Variants in POLR1A observed in about 807,000 individuals in gnomAD.
POLR1A encodes RNA polymerase I subunit A.
A neutral mutation model predicts 205.3 loss-of-function variants in POLR1A; 84 were observed. The observed-to-expected ratio is 0.41, with a 90% CI of 0.34 to 0.49. The LOEUF (loss-of-function observed/expected upper bound fraction) is 0.49, where lower values mean the gene tolerates loss of function less well. POLR1A is among the 20% of genes least tolerant of loss of function. POLR1A has a pLI of 0.22. For synonymous variants in POLR1A, 799 were observed against 863.7 expected (o/e 0.93, Z 1.31); for missense variants, 1,645 against 2,204.5 (o/e 0.75, Z 5.08).
intron 2 of POLR1A, 97 bp downstream of exon 2, chr2:86,099,871 G>T: frequency 2.1e-6 from 2 of 963,034 alleles, no homozygotes; most frequent in Non-Finnish European, 3.3e-6. Flanking sequence ...TGGAGTGCCT[G>T]GGGCTTAACC....
intron 2 of POLR1A, 120 bp from the exon 3 acceptor site, chr2:86,098,880 C>T (rs1673758391): frequency 1.2e-6 from 1 of 823,150 alleles, no homozygotes; most frequent in African/African-American, 1.7e-5. Flanking sequence ...AACTCTACTT[C>T]AGCCTACATG....
At chr2:86,080,667 C>A in intron 9 of POLR1A, 149 bp downstream of exon 9, 1 of 660,314 alleles carries the variant, frequency 1.5e-6, no homozygotes, top group East Asian at 2.9e-5. Context: ...TCCTAGGTGC[C>A]CCCTAAGCCC....
chr2:86,049,002 T>C lies in POLR1A; in HGVS notation c.2516A>G (p.Tyr839Cys), dbSNP rs1299294725. Residue 839 changes from tyrosine to cysteine, a missense_variant, in exon 18 of 34, where the codon TAT becomes TGT. By Grantham distance (194) the Tyr-to-Cys change is radical. Coordinates refer to ENST00000263857, the MANE Select transcript of POLR1A (RefSeq NM_015425.6). Reference sequence around the variant, plus strand: ...CTGCCATTTTCCTCGGACCTCATCATATGATGCGGCTTCTGGCAGGTTTAA... The same window carrying C: ...CTGCCATTTTCCTCGGACCTCATCACATGATGCGGCTTCTGGCAGGTTTAA... ...AALNLPEAAS[Y>C]DEVRGKWQDA... 6.2e-7 allele frequency: 1 copy of C among 1,614,216 alleles called. No individual in the cohort carries two copies. The highest frequency in any genetic ancestry group is 1.7e-5 in the Admixed American group (1 of 60,036).
chr2:86,060,903 T>C (rs971590258), intron 14 of POLR1A, among the ~76,000 whole-genome samples: 6 of 152,210 alleles, frequency 3.9e-5, no homozygotes, highest in Non-Finnish European at 8.8e-5. Flanking sequence ...ATTTGCAATG[T>C]ATATATCTGC....
intron 27 of POLR1A, among the ~76,000 whole-genome samples, chr2:86,036,122 C>G (rs1395322092): frequency 6.6e-6 from 1 of 152,232 alleles, no homozygotes; most frequent in Non-Finnish European, 1.5e-5. Context: ...ACAAACAGAG[C>G]ACATGACCCC....
intron 9 of POLR1A, among the ~76,000 whole-genome samples, chr2:86,080,106 G>A (rs1337898377): frequency 2.0e-5 from 3 of 152,124 alleles, no homozygotes; most frequent in Non-Finnish European, 2.9e-5. Context: ...GGCAGACAGC[G>A]GGACTGTCGC....
At chr2:86,081,000 A>G (rs774345726) in intron 8 of POLR1A, 22 bp from the exon 9 acceptor site, 5 of 1,596,460 alleles carry the variant, frequency 3.1e-6, no homozygotes, top group Non-Finnish European at 4.3e-6. Flanking sequence ...CATACGGAAT[A>G]AATGAATGTT....
In POLR1A at chr2:86,020,555, A is replaced by T. The variant is rs1690111141; in HGVS notation, c.*6868T>A. On this transcript the variant is annotated 3_prime_UTR_variant, in exon 34 of 34. Coordinates refer to ENST00000263857, the MANE Select transcript of POLR1A (RefSeq NM_015425.6). ...AGAGTGAGACCCCGTCTCAAAAAAA[A>T]AAAAAAAAAAAAAAAGATGCCACTG... 1.3e-5 allele frequency: 2 copies of T among 151,834 alleles called. No individual in the cohort carries two copies. The highest frequency in any genetic ancestry group is 2.9e-5 in the Non-Finnish European group (2 of 68,010). The allele number at this position is 151,834 out of a possible 1,614,324, so 9.4% of individuals were successfully genotyped here. A position where few individuals can be genotyped will look rare whatever the true frequency, so the allele number is the denominator to read the frequency against.
rs763494710 is a variant in POLR1A, at chr2:86,089,961, C to G, written c.433-32G>C. ...AACAAAGAGGAAAACTCCATTATCA[C>G]AGTAATGTACACCTCTGATGAGCAG... On this transcript the variant is annotated intron_variant, in intron 3 of 33. Coordinates refer to ENST00000263857, the MANE Select transcript of POLR1A (RefSeq NM_015425.6). The G allele has an allele frequency of 2.7e-6, 3 of 1,094,570 alleles. No individual in the cohort carries two copies. In the African/African-American group the frequency reaches 4.5e-5, roughly 16 times the overall value. The allele number at this position is 1,094,570 out of a possible 1,614,324, so 67.8% of individuals were successfully genotyped here.
intron 5 of POLR1A, 21 bp downstream of exon 5, chr2:86,088,762 GGC>G: frequency 1.2e-6 from 2 of 1,605,972 alleles, no homozygotes; most frequent in Non-Finnish European, 1.7e-6. Flanking sequence ...CGTCTCACCT[GGC>G]GCAAGGGCCC....
intron 1 of POLR1A, among the ~76,000 whole-genome samples, chr2:86,104,059 C>G (rs1673872111): frequency 6.6e-6 from 1 of 152,138 alleles, no homozygotes; most frequent in Non-Finnish European, 1.5e-5. Context: ...ACTTTGCAGG[C>G]TATGCTAAGA....
chr2:86,077,811 G>GCGCACA (rs1173393230), intron 11 of POLR1A, 48 bp downstream of exon 11: 1 of 172,722 alleles, frequency 5.8e-6, no homozygotes, highest in African/African-American at 4.7e-5. Flanking sequence ...ACGCGCGCGC[G>GCGCACA]CACACACACA....
chr2:86,096,566 G>C (rs1001275081), intron 3 of POLR1A, among the ~76,000 whole-genome samples: 1 of 152,120 alleles, frequency 6.6e-6, no homozygotes, highest in Admixed American at 6.5e-5. Flanking sequence ...TAGGATACTG[G>C]CATGAAAACA....
intron 24 of POLR1A, among the ~76,000 whole-genome samples, chr2:86,041,149 C>CTGTGTGTGTGTGTG (rs756415592): frequency 2.0e-4 from 24 of 122,362 alleles, no homozygotes; most frequent in East Asian, 7.3e-4. Context: ...CTGAGCTACA[C>CTGTGTGTGTGTGTG]TGTGTGTGTG....
intron 14 of POLR1A, among the ~76,000 whole-genome samples, chr2:86,054,758 T>C (rs1183852150): frequency 2.0e-5 from 3 of 152,224 alleles, no homozygotes; most frequent in African/African-American, 7.2e-5. Context: ...CAACAAGCAC[T>C]GCTAACAGGA....
At chr2:86,096,447 C>T (rs907755227) in intron 3 of POLR1A, among the ~76,000 whole-genome samples, 67 of 151,932 alleles carry the variant, frequency 4.4e-4, no homozygotes, top group African/African-American at 1.5e-3. Flanking sequence ...TGTATAGAAC[C>T]ATAAAAGACC....
intron 1 of POLR1A, among the ~76,000 whole-genome samples, chr2:86,104,267 A>T (rs1257774774): frequency 1.3e-5 from 2 of 152,138 alleles, no homozygotes; most frequent in Non-Finnish European, 2.9e-5. Flanking sequence ...AGCAATTGGG[A>T]GAAAAAGGAG....
intron 3 of POLR1A, among the ~76,000 whole-genome samples, chr2:86,096,872 T>C (rs1351992194): frequency 6.6e-6 from 1 of 152,040 alleles, no homozygotes; most frequent in Non-Finnish European, 1.5e-5. Flanking sequence ...CAAATGAGAT[T>C]TTATCAAACT....
Position 86,075,270 on chromosome 2 carries a change from A to C in POLR1A, c.1381-10T>G, listed in dbSNP as rs755161704. 1 of 1,572,270 alleles carries C rather than the reference A, an allele frequency of 6.4e-7. No individual in the cohort carries two copies. The highest frequency in any genetic ancestry group is 1.7e-5 in the Admixed American group (1 of 57,272). On this transcript the variant is annotated splice_polypyrimidine_tract_variant and intron_variant, in intron 11 of 33. Transcript: ENST00000263857. ...GTTTTGTGGCAAACACCTGGAAATG[A>C]GGAATGGAGGTAGAAATTCAGGGCA...
Sources: allele counts gnomAD v4.1 joint callset (sites outside exome capture counted in the v4.1 genomes callset), GRCh38; gene constraint gnomAD v4.1.1; transcripts MANE v1.5; gene names NCBI Gene and HGNC (gene_info 2026-07-23, HGNC 2026-07-21).